EDEM3: variants seen among roughly 807,000 people sequenced by gnomAD.
EDEM3 encodes the protein ER degradation enhancing alpha-mannosidase like protein 3, also known as ER degradation-enhancing alpha-mannosidase-like protein 3.
EDEM3 carries 60 observed loss-of-function variants against 110.2 expected under a neutral mutation model. The ratio of observed to expected loss-of-function variants is 0.54; its 90% CI spans 0.44 to 0.67. The LOEUF is 0.67. Among genes scored for constraint, EDEM3 ranks in the 30% least tolerant of loss-of-function variants. EDEM3 has a pLI of 0.00. For missense variants in EDEM3, 996 were observed against 1,121.0 expected, an observed-to-expected ratio of 0.89 and a Z score of 1.59; for synonymous variants, 352 against 382.9, an observed-to-expected ratio of 0.92 and a Z score of 0.94.
intron 19 of EDEM3, among the ~76,000 whole-genome samples, chr1:184,695,575 G>A (rs1649287990): frequency 6.6e-6 from 1 of 151,816 alleles, no homozygotes. Context: ...TTGGTATACT[G>A]TATTGTTTGG....
Position 184,735,399 on chromosome 1 carries a change from A to G in EDEM3, c.346-756T>C, listed in dbSNP as rs115043150. On this transcript the variant is annotated intron_variant, in intron 4 of 19. Transcript: ENST00000318130. ...ATCCTGACTAAACTAAGAATTTTGT[A>G]GATTCTTGCAATGAGCAGCAAAAGT... is the stretch of plus-strand genomic sequence containing the variant. Among the ~76,000 whole-genome samples the G allele has an allele frequency of 2.9e-3, 435 of 152,344 alleles. 5 individuals carry two copies. The East Asian group carries it at 0.036, about 12-fold the overall frequency.
chr1:184,736,933 T>G (rs1332548001), intron 4 of EDEM3, 92 bp downstream of exon 4: 2 of 1,050,156 alleles, frequency 1.9e-6, no homozygotes, highest in African/African-American at 3.2e-5. Context: ...TTCTGAAGGC[T>G]TCTATTTCAT....
At chr1:184,733,180 A>T (rs1203650025) in intron 5 of EDEM3, among the ~76,000 whole-genome samples, 190 bp from the exon 6 acceptor site, 1 of 152,224 alleles carries the variant, frequency 6.6e-6, no homozygotes, top group Non-Finnish European at 1.5e-5. Flanking sequence ...TATATTTTTT[A>T]AAAAATTAGA....
At chr1:184,710,590 T>C (rs761514893) in intron 15 of EDEM3, 43 bp from the exon 16 acceptor site, 40 of 1,535,612 alleles carry the variant, frequency 2.6e-5, no homozygotes, top group Non-Finnish European at 3.5e-5. Context: ...AACTATAAAT[T>C]AGAATTGGCA....
rs149610728 is a variant in EDEM3, at chr1:184,744,961, C to G, written c.204+4586G>C. Among the ~76,000 whole-genome samples, 435 of 151,932 alleles carry G rather than the reference C, an allele frequency of 2.9e-3. 5 individuals are homozygous for G. In the East Asian group the frequency reaches 0.036, roughly 12 times the overall value. ...CAAAACACAAATCAAGGTTGCTAGG[C>G]GTCAGAGGTGGGGAGAAGGAATTTA... On this transcript the variant is annotated intron_variant, in intron 2 of 19. Transcript: ENST00000318130.
At chr1:184,698,904 A>G (rs1211893515) in intron 19 of EDEM3, among the ~76,000 whole-genome samples, 2 of 151,846 alleles carry the variant, frequency 1.3e-5, no homozygotes, top group African/African-American at 4.8e-5. Flanking sequence ...ACAATCAGGA[A>G]AGTAAAAATG....
chr1:184,746,770 A>C (rs1571423697), intron 2 of EDEM3, among the ~76,000 whole-genome samples: 2 of 152,294 alleles, frequency 1.3e-5, no homozygotes, highest in South Asian at 2.1e-4. Flanking sequence ...AGAAGGTTAA[A>C]GGAATTGTTC....
intron 19 of EDEM3, chr1:184,701,623 T>C: frequency 9.5e-7 from 1 of 1,053,268 alleles, no homozygotes; most frequent in Non-Finnish European, 1.3e-6. Flanking sequence ...ATAATTTGCC[T>C]ATGTTAGATG....
At chr1:184,728,700 C>T (rs975235101) in intron 6 of EDEM3, among the ~76,000 whole-genome samples, 4 of 151,920 alleles carry the variant, frequency 2.6e-5, no homozygotes, top group African/African-American at 4.8e-5. Flanking sequence ...ACCTCCACCT[C>T]CCGGGTTCAA....
chr1:184,749,700 AAAC>A, intron 1 of EDEM3, 108 bp from the exon 2 acceptor site: 1 of 908,268 alleles, frequency 1.1e-6, no homozygotes, highest in Non-Finnish European at 1.6e-6. Context: ...ATACCAATAA[AAAC>A]AAAAGAAAAA....
rs1301578731 is a variant in EDEM3, at chr1:184,690,839, A to G, written c.*3224T>C. The G allele has an allele frequency of 4.6e-5, 7 of 152,650 alleles. No individual in the cohort carries two copies. The highest frequency in any genetic ancestry group is 1.4e-4 in the African/African-American group (6 of 41,556). The allele number at this position is 152,650 out of a possible 1,614,324, so 9.5% of individuals were successfully genotyped here. On this transcript the variant is annotated 3_prime_UTR_variant, in exon 20 of 20. Transcript: ENST00000318130. ...ATGTTCTGACTGAAGCCTTGTGCAT[A>G]AAACGACCGGCTGGAATATTTACTA...
chr1:184,731,091 T>C (rs1426508568), intron 6 of EDEM3, among the ~76,000 whole-genome samples: 1 of 152,164 alleles, frequency 6.6e-6, no homozygotes, highest in Non-Finnish European at 1.5e-5. Context: ...GTTTTTCAAG[T>C]GCTCTGAAGC....
At chr1:184,704,904 A>C (rs1405758203) in intron 18 of EDEM3, among the ~76,000 whole-genome samples, 1 of 151,134 alleles carries the variant, frequency 6.6e-6, no homozygotes, top group Non-Finnish European at 1.5e-5. Flanking sequence ...CTAAAAAGAA[A>C]AAAATATATA....
chr1:184,726,459 C>A, intron 6 of EDEM3, 70 bp from the exon 7 acceptor site: 1 of 1,482,032 alleles, frequency 6.7e-7, no homozygotes, highest in Non-Finnish European at 9.2e-7. Flanking sequence ...AACTACTTTT[C>A]AATCAAGTCT....
chr1:184,737,606 C>T lies in EDEM3; in HGVS notation c.305+5G>A. ...TGCCATGCCATGCCCTGTGTTAATA[C>T]TCACTTTCCCAAGGCATCATCAACG... On this transcript the variant is annotated splice_donor_5th_base_variant and intron_variant, in intron 3 of 19. Transcript: ENST00000318130. 1.2e-6 allele frequency: 2 copies of T among 1,613,710 alleles called. No individual in the cohort carries two copies. Among genetic ancestry groups the T allele is most frequent in the African/African-American group, 1.3e-5 (1 of 75,024 alleles).
chr1:184,701,587 A>T (rs1227096153), intron 19 of EDEM3: 1 of 1,225,052 alleles, frequency 8.2e-7, no homozygotes, highest in Non-Finnish European at 1.1e-6. Context: ...AAAAAAAGCA[A>T]ATGCATTAAA....
intron 17 of EDEM3, 59 bp downstream of exon 17, chr1:184,708,094 T>C: frequency 7.2e-7 from 1 of 1,394,474 alleles, no homozygotes; most frequent in Non-Finnish European, 9.6e-7. Context: ...GACTAAGAAA[T>C]AAGGCAATAC....
rs142198566 is a variant in EDEM3 at position 184,738,496 on chromosome 1, A to G, written c.205-785T>C. On this transcript the variant is annotated intron_variant, in intron 2 of 19. Transcript: ENST00000318130. ...AATGAAGCAATAAACACCTATGTGC[A>G]TGTATCTTTTGAACATATGCCAGTA... Among the ~76,000 whole-genome samples, 6 of 152,342 alleles carry G rather than the reference A, an allele frequency of 3.9e-5. No homozygotes were observed. The East Asian group carries it at 1.2e-3, about 29-fold the overall frequency.
chr1:184,737,358 A>C (rs1651886584), intron 3 of EDEM3, among the ~76,000 whole-genome samples: 1 of 152,226 alleles, frequency 6.6e-6, no homozygotes, highest in Non-Finnish European at 1.5e-5. Context: ...TAAATATTTT[A>C]AAAGTTACAT....
Sources: allele counts gnomAD v4.1 joint callset (sites outside exome capture counted in the v4.1 genomes callset), GRCh38; gene constraint gnomAD v4.1.1; transcripts MANE v1.5; gene names NCBI Gene and HGNC (gene_info 2026-07-23, HGNC 2026-07-21).